The following ACER3 variants were observed in gnomAD, a reference collection of about 807,000 sequenced individuals.
ACER3 encodes alkaline ceramidase 3, also known as alkCDase 3.
ACER3 carries 16 observed loss-of-function variants against 48.9 expected under a neutral mutation model. The observed-to-expected ratio is 0.33, with a 90% CI of 0.22 to 0.50. ACER3 has a LOEUF of 0.50. ACER3 is among the 20% of genes least tolerant of loss of function. ACER3 has a pLI of 0.98. For synonymous variants in ACER3, 109 were observed against 107.8 expected (o/e 1.01, Z -0.07); for missense variants, 227 against 326.0 (o/e 0.70, Z 2.34).
At chr11:76,914,896 AG>A (rs1378989170) in intron 1 of ACER3, among the ~76,000 whole-genome samples, 4 of 152,206 alleles carry the variant, frequency 2.6e-5, no homozygotes, top group African/African-American at 9.6e-5. Context: ...TGTCCTTTGT[AG>A]GGACATGGAT....
intron 2 of ACER3, among the ~76,000 whole-genome samples, chr11:76,933,569 G>T (rs1310697079): frequency 6.6e-6 from 1 of 151,976 alleles, no homozygotes; most frequent in African/African-American, 2.4e-5. Context: ...AGTGGACACA[G>T]CACATGTTTC....
chr11:76,895,762 T>A (rs902588550), intron 1 of ACER3, among the ~76,000 whole-genome samples: 5 of 152,240 alleles, frequency 3.3e-5, no homozygotes, highest in Admixed American at 3.3e-4. Flanking sequence ...AATGTTTTTT[T>A]AATATTCACG....
At chr11:77,009,481 G>A (rs1555021661) in intron 7 of ACER3, among the ~76,000 whole-genome samples, 1 of 152,106 alleles carries the variant, frequency 6.6e-6, no homozygotes. Flanking sequence ...TCCAAAGAAG[G>A]AGCTGCAAAC....
intron 1 of ACER3, among the ~76,000 whole-genome samples, chr11:76,881,528 C>CT (rs1330512081): frequency 2.0e-5 from 3 of 151,992 alleles, no homozygotes; most frequent in Admixed American, 2.0e-4. Context: ...CAATACATGT[C>CT]TTTAACTTTT....
At chr11:76,861,736 C>CT (rs906158656) in intron 1 of ACER3, among the ~76,000 whole-genome samples, 5 of 152,288 alleles carry the variant, frequency 3.3e-5, no homozygotes, top group African/African-American at 1.2e-4. Flanking sequence ...CATCTTGCAC[C>CT]TAGCCTGTAC....
chr11:76,932,317 T>A (rs956870305), intron 2 of ACER3, among the ~76,000 whole-genome samples: 27 of 152,204 alleles, frequency 1.8e-4, no homozygotes, highest in Admixed American at 1.4e-3. Flanking sequence ...TATTTCCACA[T>A]TGACAGAAAG....
At chr11:76,875,517 CATTTT>C (rs1945350660) in intron 1 of ACER3, among the ~76,000 whole-genome samples, 1 of 152,086 alleles carries the variant, frequency 6.6e-6, no homozygotes, top group South Asian at 2.1e-4. Context: ...CTACCATTAA[CATTTT>C]ATTACACTTG....
At chr11:76,900,986 C>T (rs77062362) in intron 1 of ACER3, among the ~76,000 whole-genome samples, 3,204 of 152,254 alleles carry the variant, frequency 0.021, 117 homozygotes, top group African/African-American at 0.074. Flanking sequence ...CAACAGGAAT[C>T]TATTGTTTTG....
At chr11:76,878,219 C>G (rs1487196393) in intron 1 of ACER3, among the ~76,000 whole-genome samples, 1 of 151,944 alleles carries the variant, frequency 6.6e-6, no homozygotes, top group East Asian at 1.9e-4. Context: ...AGGTCATGCT[C>G]ATATTCAACT....
At chr11:76,892,686 T>C (rs1328556396) in intron 1 of ACER3, among the ~76,000 whole-genome samples, 1 of 152,222 alleles carries the variant, frequency 6.6e-6, no homozygotes, top group Non-Finnish European at 1.5e-5. Flanking sequence ...TTTGGGAATT[T>C]TTTTTAAATT....
chr11:76,974,465 T>A (rs188164235), intron 3 of ACER3, among the ~76,000 whole-genome samples: 558 of 152,202 alleles, frequency 3.7e-3, no homozygotes, highest in Non-Finnish European at 6.4e-3. Context: ...TTTCAATTAC[T>A]TTAGTGTGTA....
intron 2 of ACER3, among the ~76,000 whole-genome samples, chr11:76,941,781 T>C (rs1176658967): frequency 6.6e-6 from 1 of 152,156 alleles, no homozygotes; most frequent in Admixed American, 6.5e-5. Context: ...TTCCAATCCA[T>C]GAGCATGGGA....
At chr11:76,925,795 G>T (rs1041159690) in intron 1 of ACER3, among the ~76,000 whole-genome samples, 3 of 152,132 alleles carry the variant, frequency 2.0e-5, no homozygotes, top group Middle Eastern at 3.4e-3. Context: ...TACCCTCTCA[G>T]TGAATTGATT....
At chr11:76,935,381 T>A (rs1565187043) in intron 2 of ACER3, among the ~76,000 whole-genome samples, 1 of 152,160 alleles carries the variant, frequency 6.6e-6, no homozygotes, top group Non-Finnish European at 1.5e-5. Flanking sequence ...AATATGTATA[T>A]TGAAAGGTCC....
rs142449079 is a variant in ACER3, at chr11:76,883,653, C to T, written c.103+22574C>T. Among the ~76,000 whole-genome samples, 49 of 152,114 alleles carry T rather than the reference C, an allele frequency of 3.2e-4. No homozygotes were observed. In the East Asian group the frequency reaches 9.5e-3, roughly 29 times the overall value. On this transcript the variant is annotated intron_variant, in intron 1 of 10. Transcript: ENST00000532485. ...AGAGACGGAGTTTCGCCATGTTGGC[C>T]AGGCTGATCTCGAATTCCTGACCTC... is the stretch of plus-strand genomic sequence containing the variant.
intron 2 of ACER3, among the ~76,000 whole-genome samples, chr11:76,928,455 C>G (rs1193968836): frequency 6.6e-6 from 1 of 152,150 alleles, no homozygotes; most frequent in Non-Finnish European, 1.5e-5. Flanking sequence ...TGCAGAAGCT[C>G]TTTAATTTAA....
At chr11:76,873,651 G>A (rs1300978792) in intron 1 of ACER3, among the ~76,000 whole-genome samples, 1 of 152,178 alleles carries the variant, frequency 6.6e-6, no homozygotes, top group Non-Finnish European at 1.5e-5. Context: ...TGAAGGCTAA[G>A]TACATTTGGA....
Position 77,005,991 on chromosome 11 carries a change from A to ATT in ACER3, c.497+7184_497+7185dup, listed in dbSNP as rs1228374444. 1.5e-3 allele frequency among the ~76,000 whole-genome samples: 148 copies of ATT among 100,866 alleles called. 6 individuals are homozygous for ATT. Among genetic ancestry groups the ATT allele is most frequent in the African/African-American group, 5.3e-3 (133 of 25,290 alleles). 66.2% of individuals were successfully genotyped at this position (100,866 alleles called of 152,430 possible). A position where few individuals can be genotyped will look rare whatever the true frequency, so the allele number is the denominator to read the frequency against. Reference sequence around the variant, plus strand: ...TATATACATATATATATATATATATATTTTTTTTTTTTTTTGAGCCAGAGT... The same window carrying ATT: ...TATATACATATATATATATATATATATTTTTTTTTTTTTTTTTGAGCCAGAGT... On this transcript the variant is annotated intron_variant, in intron 7 of 10. Coordinates refer to ENST00000532485, the MANE Select transcript of ACER3 (RefSeq NM_018367.7).
chr11:76,936,163 A>G (rs997066582), intron 2 of ACER3, among the ~76,000 whole-genome samples: 1 of 152,216 alleles, frequency 6.6e-6, no homozygotes, highest in Non-Finnish European at 1.5e-5. Flanking sequence ...CACTTCTTAC[A>G]TGGATGGTGG....
Sources: allele counts gnomAD v4.1 joint callset (sites outside exome capture counted in the v4.1 genomes callset), GRCh38; gene constraint gnomAD v4.1.1; transcripts MANE v1.5; gene names NCBI Gene and HGNC (gene_info 2026-07-23, HGNC 2026-07-21).